The following TACC1 variants were observed in gnomAD, a reference collection of about 807,000 sequenced individuals.
TACC1 encodes transforming acidic coiled-coil containing protein 1.
In TACC1, 48 loss-of-function variants were observed where a neutral mutation model predicts 84.4. The ratio of observed to expected loss-of-function variants is 0.57; its 90% CI spans 0.45 to 0.72. The LOEUF is 0.72. TACC1 is among the 30% of genes least tolerant of loss of function. The pLI is 0.00. For synonymous variants in TACC1, 372 were observed against 376.3 expected (o/e 0.99, Z 0.13); for missense variants, 920 against 973.0 (o/e 0.95, Z 0.72).
At chr8:38,741,648 T>C (rs1450931610) in intron 1 of TACC1, among the ~76,000 whole-genome samples, 3 of 152,154 alleles carry the variant, frequency 2.0e-5, no homozygotes, top group Non-Finnish European at 2.9e-5. Context: ...AAATAAAGTA[T>C]TGGTGGATGT....
chr8:38,781,201 T>G (rs1235521165), intron 3 of TACC1, among the ~76,000 whole-genome samples: 1 of 152,172 alleles, frequency 6.6e-6, no homozygotes, highest in African/African-American at 2.4e-5. Context: ...CTCCTGAAGA[T>G]TCACAATATA....
rs531400862 is a variant in TACC1 at position 38,812,482 on chromosome 8, G to A, written c.278-7040G>A. 2.2e-4 allele frequency among the ~76,000 whole-genome samples: 33 copies of A among 152,148 alleles called. No individual in the cohort carries two copies. The South Asian group carries it at 6.9e-3, about 32-fold the overall frequency. ...CTTAGGAAAAATAGAAAGAACCTACGTTGAAATATTGGGGGTGGATTCCCC... is the reference window on the plus strand; with the variant it reads ...CTTAGGAAAAATAGAAAGAACCTACATTGAAATATTGGGGGTGGATTCCCC... On this transcript the variant is annotated intron_variant, in intron 2 of 12. Coordinates refer to ENST00000317827, the MANE Select transcript of TACC1 (RefSeq NM_006283.3).
At chr8:38,817,919 TAAAAAAAAAAAAAA>T (rs60301511) in intron 2 of TACC1, among the ~76,000 whole-genome samples, 1 of 47,796 alleles carries the variant, frequency 2.1e-5, no homozygotes, top group Non-Finnish European at 3.8e-5. Context: ...GAGAGACCCC[TAAAAAAAAAAAAAA>T]AAAAAAAAAA....
At chr8:38,810,740 T>C (rs566443894) in intron 2 of TACC1, among the ~76,000 whole-genome samples, 24 of 152,236 alleles carry the variant, frequency 1.6e-4, no homozygotes, top group Non-Finnish European at 3.1e-4. Flanking sequence ...TCTATATCCA[T>C]GGCTCTGGTG....
At chr8:38,812,314 T>C (rs1259264722) in intron 2 of TACC1, among the ~76,000 whole-genome samples, 1 of 152,142 alleles carries the variant, frequency 6.6e-6, no homozygotes, top group Admixed American at 6.6e-5. Context: ...CCCCCTCCCC[T>C]TTTGAAATCC....
At chr8:38,825,242 A>G (rs781343665) in intron 3 of TACC1, 66 bp from the exon 4 acceptor site, 42 of 1,560,936 alleles carry the variant, frequency 2.7e-5, no homozygotes, top group Non-Finnish European at 3.6e-5. Flanking sequence ...TGTCTGCTCC[A>G]TTTCATACCT....
chr8:38,813,751 A>G (rs1192941174), intron 2 of TACC1, among the ~76,000 whole-genome samples: 1 of 152,188 alleles, frequency 6.6e-6, no homozygotes, highest in Non-Finnish European at 1.5e-5. Context: ...TCATATCAGA[A>G]GGGTTTATGT....
chr8:38,819,382 C>CA, intron 2 of TACC1, 140 bp from the exon 3 acceptor site: 1 of 991,332 alleles, frequency 1.0e-6, no homozygotes, highest in Non-Finnish European at 1.5e-6. Flanking sequence ...GCTGTGCTGC[C>CA]ATCCTTCCTG....
rs1286256181 is a variant in TACC1, at chr8:38,848,995, A to G, written c.*972A>G. 1 of 147,382 alleles carries G rather than the reference A, an allele frequency of 6.8e-6. No individual in the cohort carries two copies. The highest frequency in any genetic ancestry group is 2.0e-4 in the East Asian group (1 of 4,984). 9.1% of individuals were successfully genotyped at this position (147,382 alleles called of 1,614,324 possible). ...TTTTTTTGAGACAGAGTTTCGATCT[A>G]TTTTAAGTATGTGAAGAAAATCTAC... On this transcript the variant is annotated 3_prime_UTR_variant, in exon 13 of 13. Coordinates refer to ENST00000317827, the MANE Select transcript of TACC1 (RefSeq NM_006283.3).
chr8:38,757,113 A>G lies in TACC1; in HGVS notation c.26+11620A>G. ...CAGGGGCTCCGCATCTCCAGGCGGC[A>G]GCACCCGCGGGGCCCTGCAATCCGC... is the stretch of plus-strand genomic sequence containing the variant. On this transcript the variant is annotated intron_variant, in intron 3 of 14. Transcript: ENST00000518415. The G allele has an allele frequency of 6.7e-6, 3 of 446,180 alleles. No individual in the cohort carries two copies. In the South Asian group the frequency reaches 8.0e-5, roughly 12 times the overall value. The allele number at this position is 446,180 out of a possible 1,614,324, so 27.6% of individuals were successfully genotyped here. A position where few individuals can be genotyped will look rare whatever the true frequency, so the allele number is the denominator to read the frequency against.
chr8:38,808,491 C>T (rs1823285144), intron 2 of TACC1, among the ~76,000 whole-genome samples: 1 of 152,226 alleles, frequency 6.6e-6, no homozygotes, highest in South Asian at 2.1e-4. Context: ...TAGATTACCG[C>T]AGCCTCCAAC....
At chr8:38,839,007 T>A (rs1211943901) in intron 8 of TACC1, among the ~76,000 whole-genome samples, 1 of 151,950 alleles carries the variant, frequency 6.6e-6, no homozygotes, top group Non-Finnish European at 1.5e-5. Flanking sequence ...ACTGATCCTC[T>A]CCCCTCTGCC....
intron 6 of TACC1, among the ~76,000 whole-genome samples, chr8:38,835,085 C>T (rs1326959058): frequency 2.0e-5 from 3 of 152,080 alleles, no homozygotes; most frequent in Non-Finnish European, 4.4e-5. Context: ...AACCCCGTCT[C>T]TACTAAAAAT....
chr8:38,787,678 T>C lies in TACC1; in HGVS notation c.96T>C (p.Ala32=), dbSNP rs941506867. Residue 32 remains alanine (A), a synonymous_variant, in exon 1 of 13, where the codon GCT becomes GCC. Transcript: ENST00000317827. ...VRGGAAGEDE[A]GGPEGDPEEE... Reference sequence around the variant, plus strand: ...GCGGGGCCGCCGGCGAGGACGAGGCTGGCGGGCCCGAGGGCGACCCCGAGG... The same window carrying C: ...GCGGGGCCGCCGGCGAGGACGAGGCCGGCGGGCCCGAGGGCGACCCCGAGG... 2 of 1,547,128 alleles carry C rather than the reference T, an allele frequency of 1.3e-6. No individual in the cohort carries two copies. Among genetic ancestry groups the C allele is most frequent in the South Asian group, 2.4e-5 (2 of 84,608 alleles).
chr8:38,806,475 TGAGAGAGAGAGAAAGAGA>T (rs1177331362), intron 2 of TACC1, among the ~76,000 whole-genome samples: 1 of 151,374 alleles, frequency 6.6e-6, no homozygotes, highest in Non-Finnish European at 1.5e-5. Context: ...TGTGTGTGTG[TGAGAGAGAGAGAAAGAGA>T]GAGAGGGAGA....
intron 3 of TACC1, among the ~76,000 whole-genome samples, chr8:38,759,622 C>T (rs1304676842): frequency 6.6e-6 from 1 of 152,216 alleles, no homozygotes; most frequent in African/African-American, 2.4e-5. Flanking sequence ...CATGAAAGCC[C>T]ATCCTTGGTC....
At chr8:38,737,288 A>C (rs942890247) in intron 1 of TACC1, among the ~76,000 whole-genome samples, 1 of 152,104 alleles carries the variant, frequency 6.6e-6, no homozygotes, top group African/African-American at 2.4e-5. Context: ...TCTACCCCCA[A>C]TAGTTTCATT....
intron 3 of TACC1, among the ~76,000 whole-genome samples, chr8:38,745,975 C>T (rs1389326144): frequency 6.6e-6 from 1 of 152,136 alleles, no homozygotes; most frequent in Admixed American, 6.5e-5. Flanking sequence ...CTAGCATGCT[C>T]AGTTAATTTT....
chr8:38,785,751 AAAACTACAACAGTTGGAT>A (rs1230126977), upstream of TACC1: 1 of 983,628 alleles, frequency 1.0e-6, no homozygotes, highest in African/African-American at 1.7e-5. Context: ...GCATAAACCT[AAAACTACAACAGTTGGAT>A]AAGTGGTGTG....
Sources: allele counts gnomAD v4.1 joint callset (sites outside exome capture counted in the v4.1 genomes callset), GRCh38; gene constraint gnomAD v4.1.1; transcripts MANE v1.5; gene names NCBI Gene and HGNC (gene_info 2026-07-23, HGNC 2026-07-21).